The following FUBP3 variants were observed in gnomAD, a reference collection of about 807,000 sequenced individuals.
FUBP3 encodes the protein far upstream element binding protein 3.
A neutral mutation model predicts 85.6 loss-of-function variants in FUBP3; 28 were observed. The ratio of observed to expected loss-of-function variants is 0.33; its 90% CI spans 0.24 to 0.45. The LOEUF is 0.45. Ranked by LOEUF, FUBP3 falls within the 20% of genes least tolerant of loss-of-function variation. The pLI, the probability that FUBP3 is intolerant of heterozygous loss-of-function variation, is 1.00. For missense variants in FUBP3, 583 were observed against 755.1 expected (o/e 0.77, Z 2.67); for synonymous variants, 271 against 271.4 (o/e 1.00, Z 0.01).
intron 12 of FUBP3, among the ~76,000 whole-genome samples, chr9:130,628,072 C>T (rs1002249112): frequency 3.3e-5 from 5 of 149,792 alleles, no homozygotes; most frequent in East Asian, 2.0e-4. Context: ...ACACACACAC[C>T]GCACTAAACA....
chr9:130,601,066 A>T (rs572897848), intron 2 of FUBP3, among the ~76,000 whole-genome samples: 1 of 152,334 alleles, frequency 6.6e-6, no homozygotes, highest in Non-Finnish European at 1.5e-5. Flanking sequence ...TACATAAACA[A>T]AGAGCATGGC....
At chr9:130,611,033 T>C (rs2043956734) in intron 3 of FUBP3, among the ~76,000 whole-genome samples, 1 of 152,226 alleles carries the variant, frequency 6.6e-6, no homozygotes, top group South Asian at 2.1e-4. Flanking sequence ...GAACGTTTTC[T>C]TCCTGGAAAC....
At chr9:130,583,946 A>T (rs1830236510) in intron 1 of FUBP3, among the ~76,000 whole-genome samples, 1 of 152,118 alleles carries the variant, frequency 6.6e-6, no homozygotes, top group Non-Finnish European at 1.5e-5. Context: ...TATGTTGCCC[A>T]GGCTGGTCTC....
chr9:130,588,147 TC>T, intron 1 of FUBP3, among the ~76,000 whole-genome samples: 1 of 152,072 alleles, frequency 6.6e-6, no homozygotes, highest in Non-Finnish European at 1.5e-5. Flanking sequence ...GTCACAAAAC[TC>T]CCGGGGAGTG....
intron 1 of FUBP3, among the ~76,000 whole-genome samples, chr9:130,594,098 C>A (rs1830746826): frequency 6.6e-6 from 1 of 152,052 alleles, no homozygotes; most frequent in Non-Finnish European, 1.5e-5. Context: ...AGTTTATAGA[C>A]ATTAAAGTTT....
chr9:130,622,022 T>TA (rs920328926), intron 9 of FUBP3, among the ~76,000 whole-genome samples: 16 of 149,350 alleles, frequency 1.1e-4, no homozygotes, highest in South Asian at 2.1e-4. Flanking sequence ...AGTTGCGTGT[T>TA]AAAAAAAAAT....
intron 5 of FUBP3, 102 bp downstream of exon 5, chr9:130,613,129 A>G (rs902236849): frequency 1.1e-5 from 8 of 716,390 alleles, no homozygotes; most frequent in Non-Finnish European, 2.0e-5. Flanking sequence ...AGTATATGCG[A>G]TTAGTGTTTT....
intron 18 of FUBP3, among the ~76,000 whole-genome samples, chr9:130,636,438 C>A (rs1369684644): frequency 2.0e-5 from 3 of 152,256 alleles, no homozygotes; most frequent in Non-Finnish European, 4.4e-5. Context: ...TTCCTCTAAG[C>A]CTCAGTTTCC....
chr9:130,603,358 A>AC (rs1182254396), intron 2 of FUBP3, among the ~76,000 whole-genome samples: 1 of 144,260 alleles, frequency 6.9e-6, no homozygotes, highest in Non-Finnish European at 1.5e-5. Flanking sequence ...AAAAAAAAAA[A>AC]AAAAAAAAAA....
Position 130,623,595 on chromosome 9 carries a change from T to A in FUBP3, c.875-16T>A. On this transcript the variant is annotated splice_polypyrimidine_tract_variant and intron_variant, in intron 10 of 18. Coordinates refer to ENST00000319725, the MANE Select transcript of FUBP3 (RefSeq NM_003934.2). ...TTGGGCTTTTTTCTAATCCTGTCTC[T>A]CACCTGGCTCCTCAGATGATGGGAT... 2 of 1,541,130 alleles carry A rather than the reference T, an allele frequency of 1.3e-6. No homozygotes were observed. Among genetic ancestry groups the A allele is most frequent in the Non-Finnish European group, 9.0e-7 (1 of 1,114,208 alleles).
Position 130,637,646 on chromosome 9 carries a change from T to TTA in FUBP3, c.*625_*626insAT, listed in dbSNP as rs1189158042. ...GGGGCATTTTGTAGGGTTTGTATAA[T>TTA]TTCTAGAGTTCGAAAGGGGTAATAT... On this transcript the variant is annotated 3_prime_UTR_variant, in exon 19 of 19. Transcript: ENST00000319725. The TTA allele has an allele frequency of 2.6e-5, 4 of 152,628 alleles. No individual in the cohort carries two copies. The highest frequency in any genetic ancestry group is 9.7e-5 in the African/African-American group (4 of 41,450). The allele number at this position is 152,628 out of a possible 1,614,324, so 9.5% of individuals were successfully genotyped here.
chr9:130,606,952 CT>C lies in FUBP3; in HGVS notation c.191-2995del, dbSNP rs553884611. Among the ~76,000 whole-genome samples, 402 of 151,916 alleles carry C rather than the reference CT, an allele frequency of 2.6e-3. 3 individuals are homozygous for C. Among genetic ancestry groups the C allele is most frequent in the African/African-American group, 9.5e-3 (394 of 41,436 alleles). On this transcript the variant is annotated intron_variant, in intron 2 of 18. Coordinates refer to ENST00000319725, the MANE Select transcript of FUBP3 (RefSeq NM_003934.2). ...AATAGGGAAAAATGTGTCTGATCAC[CT>C]TTTTTTGTGTTATTGTTTGTTTGAT...
At chr9:130,609,262 TAC>T (rs1831618266) in intron 2 of FUBP3, among the ~76,000 whole-genome samples, 1 of 152,162 alleles carries the variant, frequency 6.6e-6, no homozygotes, top group Non-Finnish European at 1.5e-5. Flanking sequence ...GGAATGTGAT[TAC>T]AGAGTTGGTT....
At position 130,632,298 on chromosome 9, in the gene FUBP3, G is replaced by A. The variant is rs1285022728; in HGVS notation, c.1510+20G>A. The A allele has an allele frequency of 1.9e-6, 3 of 1,582,902 alleles. No homozygotes were observed. In the African/African-American group the frequency reaches 4.0e-5, roughly 21 times the overall value. Reference sequence around the variant, plus strand: ...TCCCAAGTAAGTGACTCGGGGCGGGGAGTGCATGCCCTCCAGAAAGGTTGC... The same window carrying A: ...TCCCAAGTAAGTGACTCGGGGCGGGAAGTGCATGCCCTCCAGAAAGGTTGC... On this transcript the variant is annotated intron_variant, in intron 16 of 18. Transcript: ENST00000319725.
chr9:130,635,027 T>C lies in FUBP3; in HGVS notation c.1582+289T>C, dbSNP rs1184813726. ...TTGAGGTGGGCGTGGCACCTGGAAG[T>C]GTGGGCTCAGCTGGCGTCTGGTCTC... On this transcript the variant is annotated intron_variant, in intron 17 of 18. Coordinates refer to ENST00000319725, the MANE Select transcript of FUBP3 (RefSeq NM_003934.2). This position sits in a 1 kb window ranked among gnomAD's most constrained non-coding sequence, Gnocchi z 4.3. Among the ~76,000 whole-genome samples the C allele has an allele frequency of 6.6e-6, 1 of 152,120 alleles. No homozygotes were observed. The highest frequency in any genetic ancestry group is 2.4e-5 in the African/African-American group (1 of 41,406).
In FUBP3 at chr9:130,598,771, A is replaced by G. The variant is rs182247914; in HGVS notation, c.190+3183A>G. ...TTGTAAATACACACGAATTTTTACA[A>G]TCAAGTGAGTGCCATCCCCTTAAAA... is the stretch of plus-strand genomic sequence containing the variant. On this transcript the variant is annotated intron_variant, in intron 2 of 18. Coordinates refer to ENST00000319725, the MANE Select transcript of FUBP3 (RefSeq NM_003934.2). Among the ~76,000 whole-genome samples the G allele has an allele frequency of 1.4e-3, 219 of 152,334 alleles. 2 individuals carry two copies. Among genetic ancestry groups the G allele is most frequent in the Middle Eastern group, 6.8e-3 (2 of 294 alleles).
chr9:130,623,605 C>T lies in FUBP3; in HGVS notation c.875-6C>T, dbSNP rs559087762. 5.0e-6 allele frequency: 8 copies of T among 1,587,132 alleles called. No homozygotes were observed. The South Asian group carries it at 5.5e-5, about 11-fold the overall frequency. ...TTCTAATCCTGTCTCTCACCTGGCTCCTCAGATGATGGGATTAGTCCAGAA... is the reference window on the plus strand; with the variant it reads ...TTCTAATCCTGTCTCTCACCTGGCTTCTCAGATGATGGGATTAGTCCAGAA... On this transcript the variant is annotated splice_polypyrimidine_tract_variant and splice_region_variant and intron_variant, in intron 10 of 18. Transcript: ENST00000319725.
chr9:130,613,386 A>G (rs1588143802), intron 5 of FUBP3, among the ~76,000 whole-genome samples: 1 of 152,170 alleles, frequency 6.6e-6, no homozygotes, highest in East Asian at 1.9e-4. Flanking sequence ...CTCCTTGACT[A>G]CATGCATCAG....
At chr9:130,606,539 G>T (rs1448262635) in intron 2 of FUBP3, among the ~76,000 whole-genome samples, 2 of 152,078 alleles carry the variant, frequency 1.3e-5, no homozygotes, top group South Asian at 4.1e-4. Context: ...AAGCTGATGT[G>T]GCCGGGCGCG....
Sources: allele counts gnomAD v4.1 joint callset (sites outside exome capture counted in the v4.1 genomes callset), GRCh38; gene constraint gnomAD v4.1.1; non-coding constraint Gnocchi (gnomAD v3.1); transcripts MANE v1.5; gene names NCBI Gene and HGNC (gene_info 2026-07-23, HGNC 2026-07-21).